OR1F1: variants seen among roughly 807,000 people sequenced by gnomAD.
OR1F1 encodes olfactory receptor family 1 subfamily F member 1.
For missense variants in OR1F1, 493 were observed against 376.3 expected (o/e 1.31, Z -2.57); for synonymous variants, 184 against 156.7 (o/e 1.17, Z -1.30).
At chr16:3,204,632 C>G (rs1275556509) in exon 1 of OR1F1, 2 of 1,614,170 alleles carry the variant, frequency 1.2e-6, no homozygotes, top group Non-Finnish European at 1.7e-6. Flanking sequence ...GTGTGCCACC[C>G]CTTACATTAC....
chr16:3,205,447 C>T (rs1292170615), downstream of OR1F1, among the ~76,000 whole-genome samples: 1 of 151,882 alleles, frequency 6.6e-6, no homozygotes, highest in Non-Finnish European at 1.5e-5. Flanking sequence ...TCCTGAGTAG[C>T]TGGGACCACA....
the OR1F1 span, among the ~76,000 whole-genome samples, chr16:3,191,492 C>G: frequency 6.6e-6 from 1 of 152,164 alleles, no homozygotes; most frequent in African/African-American, 2.4e-5. Context: ...ATAAAACGTT[C>G]CCAGGGAAGC....
chr16:3,195,161 C>T, the OR1F1 span, among the ~76,000 whole-genome samples: 10 of 152,188 alleles, frequency 6.6e-5, no homozygotes, highest in Non-Finnish European at 1.5e-4. Context: ...AATCTCAGAC[C>T]CTGCGCCTCC....
chr16:3,196,635 G>A, the OR1F1 span, among the ~76,000 whole-genome samples: 2 of 151,582 alleles, frequency 1.3e-5, no homozygotes, highest in African/African-American at 4.9e-5. Flanking sequence ...AGATCCCCCT[G>A]CGTTGGCCTC....
upstream of OR1F1, among the ~76,000 whole-genome samples, chr16:3,203,499 C>T (rs935479362): frequency 3.3e-5 from 5 of 152,248 alleles, no homozygotes; most frequent in Non-Finnish European, 5.9e-5. Flanking sequence ...GGTGTGGTGG[C>T]TCACGCCTGT....
chr16:3,205,042 C>A lies in OR1F1; in HGVS notation c.796C>A (p.His266Asn), dbSNP rs773895546. ...TGTGTATTTTAACCCTCTGTCCTCCCACTCAGCTGAGAAAGACACTATGGC... is the reference window on the plus strand; with the variant it reads ...TGTGTATTTTAACCCTCTGTCCTCCAACTCAGCTGAGAAAGACACTATGGC... Residue 266 changes from histidine (H) to asparagine (N), a missense_variant, in exon 1 of 1, where the codon CAC becomes AAC. Transcript: ENST00000304646. 1.8e-5 allele frequency: 29 copies of A among 1,613,988 alleles called. No individual in the cohort carries two copies. The highest frequency in any genetic ancestry group is 8.3e-5 in the Admixed American group (5 of 59,986).
At chr16:3,190,121 G>A in the OR1F1 span, among the ~76,000 whole-genome samples, 2 of 152,246 alleles carry the variant, frequency 1.3e-5, no homozygotes, top group East Asian at 3.9e-4. Flanking sequence ...CAGTCTTAAT[G>A]AGAGAGTGAG....
the OR1F1 span, among the ~76,000 whole-genome samples, chr16:3,191,546 G>A: frequency 1.3e-5 from 2 of 152,290 alleles, no homozygotes; most frequent in East Asian, 3.9e-4. Context: ...TAATCTCAGG[G>A]TCGTGGGTTC....
the OR1F1 span, among the ~76,000 whole-genome samples, chr16:3,193,509 C>T: frequency 2.6e-5 from 4 of 152,234 alleles, no homozygotes; most frequent in African/African-American, 9.6e-5. Flanking sequence ...ACGCAGACTG[C>T]AGAGCTCTAC....
chr16:3,205,211 T>G (rs1191677083), downstream of OR1F1: 1 of 1,531,794 alleles, frequency 6.5e-7, no homozygotes, highest in Admixed American at 1.9e-5. Context: ...TGAATCTCAT[T>G]CCCAAGGAAA....
upstream of OR1F1, among the ~76,000 whole-genome samples, chr16:3,201,213 C>T (rs1304909079): frequency 2.6e-5 from 4 of 152,146 alleles, no homozygotes; most frequent in African/African-American, 9.7e-5. Context: ...TTTTGTTTAT[C>T]TATTCATCTG....
At chr16:3,193,606 A>G in the OR1F1 span, among the ~76,000 whole-genome samples, 17 of 151,370 alleles carry the variant, frequency 1.1e-4, no homozygotes, top group African/African-American at 3.9e-4. Flanking sequence ...GGCTAAGACT[A>G]TTTTTTTTGA....
chr16:3,188,475 C>G, the OR1F1 span: 1 of 152,294 alleles, frequency 6.6e-6, no homozygotes, highest in African/African-American at 2.4e-5. Flanking sequence ...CTGCTCCAGT[C>G]CCAGGTGAGC....
rs777974297 is a variant in OR1F1 at position 3,204,830 on chromosome 16, A to G, written c.584A>G (p.Asn195Ser). 1.2e-4 allele frequency: 196 copies of G among 1,613,884 alleles called. No homozygotes were observed. Among genetic ancestry groups the G allele is most frequent in the Non-Finnish European group, 1.6e-4 (184 of 1,179,948 alleles). Residue 195 changes from asparagine to serine, a missense_variant, in exon 1 of 1, where the codon AAT (asparagine) becomes AGT (serine). By Grantham distance (46) the Asn-to-Ser change is conservative (BLOSUM62 1). Coordinates refer to ENST00000304646, the Ensembl canonical transcript of OR1F1. ...CTCTCCTGCTCAGACACACACCTCA[A>G]TGAGGTCATAATCCTTAGTGAGGGT...
the OR1F1 span, among the ~76,000 whole-genome samples, chr16:3,195,960 T>C: frequency 4.6e-5 from 7 of 152,174 alleles, no homozygotes; most frequent in Non-Finnish European, 1.0e-4. Context: ...AGCCCCTGCC[T>C]GGGGCTTCCA....
At chr16:3,194,958 C>T in the OR1F1 span, among the ~76,000 whole-genome samples, 1 of 152,212 alleles carries the variant, frequency 6.6e-6, no homozygotes, top group Non-Finnish European at 1.5e-5. Flanking sequence ...GCATGAAAGA[C>T]CTCGAGGGTG....
At chr16:3,206,314 A>G (rs767341186), downstream of OR1F1, among the ~76,000 whole-genome samples, 1 of 152,212 alleles carries the variant, frequency 6.6e-6, no homozygotes, top group Non-Finnish European at 1.5e-5. Context: ...ATACGTGCAC[A>G]GCTGAACATA....
At chr16:3,197,203 G>A in the OR1F1 span, among the ~76,000 whole-genome samples, 10 of 148,366 alleles carry the variant, frequency 6.7e-5, no homozygotes, top group Non-Finnish European at 1.0e-4. Context: ...ATTTTTAGTA[G>A]AGACGGGGTT....
the OR1F1 span, among the ~76,000 whole-genome samples, chr16:3,188,862 G>T: frequency 6.6e-6 from 1 of 152,198 alleles, no homozygotes; most frequent in Admixed American, 6.5e-5. Flanking sequence ...TCCTCCTCAC[G>T]TCCTGGGGAC....
Sources: allele counts gnomAD v4.1 joint callset (sites outside exome capture counted in the v4.1 genomes callset), GRCh38; gene constraint gnomAD v4.1.1; transcripts MANE v1.5; gene names NCBI Gene and HGNC (gene_info 2026-07-23, HGNC 2026-07-21).